CYFIP1: variants seen among roughly 807,000 people sequenced by gnomAD.
CYFIP1 encodes cytoplasmic FMR1 interacting protein 1.
A neutral mutation model predicts 163.5 loss-of-function variants in CYFIP1; 58 were observed. The ratio of observed to expected loss-of-function variants is 0.35; its 90% confidence interval spans 0.29 to 0.44. The LOEUF is 0.44. Ranked by LOEUF, CYFIP1 falls within the 20% of genes least tolerant of loss-of-function variation. The pLI, the probability that CYFIP1 is intolerant of heterozygous loss-of-function variation, is 1.00. For synonymous variants in CYFIP1, 663 were observed against 660.7 expected, an observed-to-expected ratio of 1.00 and a Z score of -0.05; for missense variants, 1,338 against 1,653.8, an observed-to-expected ratio of 0.81 and a Z score of 3.31.
intron 22 of CYFIP1, among the ~76,000 whole-genome samples, chr15:22,902,010 TC>T (rs2060409086): frequency 6.6e-6 from 1 of 152,076 alleles, no homozygotes; most frequent in Non-Finnish European, 1.5e-5. Context: ...ACCTCAAGTG[TC>T]CCCAGGCACC....
At chr15:22,883,840 C>CG (rs2059854727) in intron 23 of CYFIP1, among the ~76,000 whole-genome samples, 12 of 143,024 alleles carry the variant, frequency 8.4e-5, no homozygotes, top group African/African-American at 3.1e-4. Context: ...AAAAAAAAGG[C>CG]AGGTTTAACT....
chr15:22,916,451 G>T (rs371828339), intron 16 of CYFIP1, 26 bp downstream of exon 16: 1 of 1,526,902 alleles, frequency 6.5e-7, no homozygotes, highest in Admixed American at 1.7e-5. Context: ...ATGCCAGGCC[G>T]GATGCTGCTC....
At position 22,873,516 on chromosome 15, in the gene CYFIP1, C is replaced by G; in HGVS notation, c.3424G>C (p.Val1142Leu). The change falls in exon 29 of 31, where the codon GTG becomes CTG. Residue 1142 changes from valine (V) to leucine (L), a missense_variant. Around this residue, in one of 4 missense-constraint regions of CYFIP1, gnomAD observed 306 missense variants for 322.1 expected, o/e 0.95. Transcript: ENST00000617928. ...SAMQFVYCIP[V>L]GTHEFTVEQC... ...TCGACTGTGAACTCGTGTGTCCCCA[C>G]GGGAATGCAGTAGACAAACTGCATG... The G allele has an allele frequency of 1.2e-6, 2 of 1,614,024 alleles. No individual in the cohort carries two copies. Among genetic ancestry groups the G allele is most frequent in the Non-Finnish European group, 1.7e-6 (2 of 1,179,884 alleles).
rs747755552 is a variant in CYFIP1 at position 22,918,789 on chromosome 15, G to A, written c.1429C>T (p.Arg477Trp). The change falls in exon 14 of 31, where the codon CGG (arginine) becomes TGG (tryptophan). Residue 477 changes from arginine to tryptophan, a missense_variant. Around this residue, in one of 4 missense-constraint regions of CYFIP1, gnomAD observed 824 missense variants for 995.7 expected, o/e 0.83. Transcript: ENST00000617928. ...RMESVFNHAI[R>W]HTVYAALQDF... ...TGCAGTGCGGCATAGACGGTGTGCCGGATGGCGTGGTTGAACACGCTCTCC... is the reference window on the plus strand; with the variant it reads ...TGCAGTGCGGCATAGACGGTGTGCCAGATGGCGTGGTTGAACACGCTCTCC... 10 of 1,613,346 alleles carry A rather than the reference G, an allele frequency of 6.2e-6. No individual in the cohort carries two copies. Among genetic ancestry groups the A allele is most frequent in the African/African-American group, 1.3e-5 (1 of 74,980 alleles).
chr15:22,907,147 A>T (rs1289589760), intron 21 of CYFIP1, among the ~76,000 whole-genome samples: 1 of 152,100 alleles, frequency 6.6e-6, no homozygotes, highest in African/African-American at 2.4e-5. Context: ...GGGAATTTTG[A>T]TTTATTCAAT....
At chr15:22,923,098 G>T (rs893967724) in intron 13 of CYFIP1, among the ~76,000 whole-genome samples, 1 of 151,910 alleles carries the variant, frequency 6.6e-6, no homozygotes, top group East Asian at 1.9e-4. Flanking sequence ...CATAAGCAAC[G>T]AAAGAAAAAC....
chr15:22,881,996 G>A, intron 24 of CYFIP1, 60 bp from the exon 25 acceptor site: 1 of 1,455,048 alleles, frequency 6.9e-7, no homozygotes, highest in East Asian at 2.3e-5. Context: ...TAACGCCTGT[G>A]GCCGGCGCAT....
chr15:22,936,152 G>C (rs1485461286), intron 9 of CYFIP1, among the ~76,000 whole-genome samples: 1 of 152,060 alleles, frequency 6.6e-6, no homozygotes, highest in East Asian at 1.9e-4. Flanking sequence ...AGCACCTGTA[G>C]TCCCAGCTAC....
intron 12 of CYFIP1, among the ~76,000 whole-genome samples, 154 bp downstream of exon 12, chr15:22,927,752 G>C (rs925807246): frequency 6.6e-6 from 1 of 152,088 alleles, no homozygotes; most frequent in Non-Finnish European, 1.5e-5. Flanking sequence ...ACACATAAAT[G>C]AGATGTACTT....
intron 14 of CYFIP1, 68 bp downstream of exon 14, chr15:22,918,624 G>T (rs1180261656): frequency 2.9e-6 from 4 of 1,382,342 alleles, no homozygotes; most frequent in Non-Finnish European, 3.9e-6. Flanking sequence ...TAACGCTCCT[G>T]TTGTTTGAAT....
intron 30 of CYFIP1, 142 bp from the exon 31 acceptor site, chr15:22,870,334 T>TC: frequency 5.0e-6 from 5 of 1,008,788 alleles, no homozygotes; most frequent in Non-Finnish European, 7.1e-6. Flanking sequence ...TTTGGGTTTT[T>TC]TTTTGTAAGA....
At chr15:22,961,090 C>T (rs926011901) in intron 1 of CYFIP1, among the ~76,000 whole-genome samples, 1 of 151,634 alleles carries the variant, frequency 6.6e-6, no homozygotes, top group Non-Finnish European at 1.5e-5. Flanking sequence ...GGCATGATCT[C>T]GACTCACTGC....
chr15:22,933,822 G>A lies in CYFIP1; in HGVS notation c.972C>T (p.His324=). 5 of 1,613,062 alleles carry A rather than the reference G, an allele frequency of 3.1e-6. No homozygotes were observed. In the Middle Eastern group the frequency reaches 8.2e-4, roughly 266 times the overall value. The part of the protein sequence containing the change: ...ELARYIKTSA[H]YEENKSRWTC... ...CCTACCGAGATTTATTTTCCTCGTA[G>A]TGGGCGCTGGTCTTGATATATCTTG... is the stretch of plus-strand genomic sequence containing the variant. Residue 324 remains histidine (H), a synonymous_variant, in exon 10 of 31, where the codon CAC becomes CAT. Coordinates refer to ENST00000617928, the MANE Select transcript of CYFIP1 (RefSeq NM_014608.6).
At chr15:22,936,617 G>T (rs562443657) in intron 9 of CYFIP1, among the ~76,000 whole-genome samples, 1 of 152,284 alleles carries the variant, frequency 6.6e-6, no homozygotes, top group South Asian at 2.1e-4. Context: ...ACTGAAAACA[G>T]ATCAGGCCTG....
At chr15:22,927,558 G>A (rs1331497128) in intron 12 of CYFIP1, among the ~76,000 whole-genome samples, 4 of 151,754 alleles carry the variant, frequency 2.6e-5, no homozygotes, top group Admixed American at 6.6e-5. Flanking sequence ...TTGGGAGGCT[G>A]AGGCAGAAGG....
intron 26 of CYFIP1, among the ~76,000 whole-genome samples, chr15:22,876,831 T>TAAA (rs11409746): frequency 6.8e-6 from 1 of 147,940 alleles, no homozygotes; most frequent in African/African-American, 2.5e-5. Flanking sequence ...AACTCCAGTC[T>TAAA]AAAAAAAAAA....
At chr15:22,943,386 G>A (rs761648981) in intron 5 of CYFIP1, 32 bp from the exon 6 acceptor site, 4 of 1,605,422 alleles carry the variant, frequency 2.5e-6, no homozygotes, top group East Asian at 4.5e-5. Flanking sequence ...GCAGAAAGCT[G>A]CAGGTCAGTG....
intron 26 of CYFIP1, among the ~76,000 whole-genome samples, chr15:22,878,198 C>G (rs2059639526): frequency 6.6e-6 from 1 of 152,172 alleles, no homozygotes. Context: ...TGAACCAATC[C>G]CCAAACAGGG....
chr15:22,896,972 C>T (rs1394979662), intron 22 of CYFIP1, among the ~76,000 whole-genome samples: 2 of 152,010 alleles, frequency 1.3e-5, no homozygotes, highest in Non-Finnish European at 2.9e-5. Flanking sequence ...TTTGGGAGGC[C>T]GAGGCAGGTG....
Sources: allele counts gnomAD v4.1 joint callset (sites outside exome capture counted in the v4.1 genomes callset), GRCh38; gene constraint gnomAD v4.1.1; regional missense constraint gnomAD v4.1.1; transcripts MANE v1.5; gene names NCBI Gene and HGNC (gene_info 2026-07-23, HGNC 2026-07-21).